Variants in ERAP1 observed in about 807,000 individuals in gnomAD.
ERAP1 encodes adipocyte-derived leucine aminopeptidase.
A neutral mutation model predicts 103.7 loss-of-function variants in ERAP1; 86 were observed. The ratio of observed to expected loss-of-function variants is 0.83; its 90% CI spans 0.70 to 0.99. The LOEUF (loss-of-function observed/expected upper bound fraction) is 0.99. ERAP1 is among the 50% of genes least tolerant of loss of function. The probability of loss-of-function intolerance (pLI) is 0.00; values close to 1 mark genes in which losing one functional copy is unlikely to be tolerated. For missense variants in ERAP1, 1,009 were observed against 1,128.4 expected (o/e 0.89, Z 1.52); for synonymous variants, 398 against 402.4 (o/e 0.99, Z 0.13).
Position 96,765,492 on chromosome 5 carries a change from G to T in ERAP1, c.2819-2264C>A, listed in dbSNP as rs571218158. Among the ~76,000 whole-genome samples, 6 of 152,272 alleles carry T rather than the reference G, an allele frequency of 3.9e-5. No homozygotes were observed. The South Asian group carries it at 1.2e-3, about 32-fold the overall frequency. On this transcript the variant is annotated intron_variant, in intron 19 of 19. Coordinates refer to the ERAP1 transcript ENST00000296754. ...CAATCTGTACTCCACTGGAGGGGAAGGTCACTGAATCTGTGACAGAGATAC... is the reference window on the plus strand; with the variant it reads ...CAATCTGTACTCCACTGGAGGGGAATGTCACTGAATCTGTGACAGAGATAC...
chr5:96,824,752 T>TA, the ERAP1 span, among the ~76,000 whole-genome samples: 2 of 152,300 alleles, frequency 1.3e-5, no homozygotes, highest in Admixed American at 6.5e-5. Flanking sequence ...TTTATTCCAT[T>TA]AAAAAAATGT....
Position 96,793,914 on chromosome 5 carries a change from G to A in ERAP1, c.963C>T (p.Asn321=), listed in dbSNP as rs147839365. The part of the protein sequence containing the change: ...IPDFQSGAME[N]WGLTTYRESA... ...ATTCTCTATATGTTGTCAGTCCCCA[G>A]TTTTCCATAGCACCAGACTGAAAGT... is the stretch of plus-strand genomic sequence containing the variant. The change falls in exon 6 of 19, where the codon AAC becomes AAT. Residue 321 remains asparagine, a synonymous_variant. Transcript: ENST00000443439. 1.9e-6 allele frequency: 3 copies of A among 1,614,020 alleles called. No homozygotes were observed. Among genetic ancestry groups the A allele is most frequent in the Non-Finnish European group, 2.5e-6 (3 of 1,179,988 alleles).
At chr5:96,850,915 C>T in the ERAP1 span, among the ~76,000 whole-genome samples, 4 of 152,142 alleles carry the variant, frequency 2.6e-5, no homozygotes, top group East Asian at 5.8e-4. Flanking sequence ...CCAAAGAAAC[C>T]TCCCTTACAC....
At chr5:96,855,653 C>A in the ERAP1 span, among the ~76,000 whole-genome samples, 1 of 152,202 alleles carries the variant, frequency 6.6e-6, no homozygotes, top group Non-Finnish European at 1.5e-5. Context: ...AACTAGCTAA[C>A]CGTCAGAGGC....
chr5:96,823,058 C>T, the ERAP1 span: 3 of 456,252 alleles, frequency 6.6e-6, no homozygotes, highest in Non-Finnish European at 1.3e-5. Context: ...TGGAGGCCGC[C>T]CTCATCTCCT....
At chr5:96,783,774 C>G in intron 14 of ERAP1, 150 bp downstream of exon 14, 1 of 814,634 alleles carries the variant, frequency 1.2e-6, no homozygotes, top group Admixed American at 2.7e-5. Flanking sequence ...CATCTAAATA[C>G]TGAACTAATA....
At chr5:96,907,195 T>A in the ERAP1 span, among the ~76,000 whole-genome samples, 1 of 152,226 alleles carries the variant, frequency 6.6e-6, no homozygotes, top group Non-Finnish European at 1.5e-5. Flanking sequence ...TTCTTTAAGC[T>A]AAACAAACAT....
At chr5:96,877,422 G>A in the ERAP1 span, among the ~76,000 whole-genome samples, 15 of 108,116 alleles carry the variant, frequency 1.4e-4, no homozygotes, top group East Asian at 4.1e-3. Context: ...ACAAGTGGGG[G>A]CGAGCTACTC....
At chr5:96,896,237 C>T in the ERAP1 span, 1 of 648,568 alleles carries the variant, frequency 1.5e-6, no homozygotes. Context: ...GGAATACATA[C>T]AAGAAAAGAA....
At chr5:96,925,832 T>C in the ERAP1 span, among the ~76,000 whole-genome samples, 1 of 152,176 alleles carries the variant, frequency 6.6e-6, no homozygotes, top group African/African-American at 2.4e-5. Flanking sequence ...ATCTGTACCT[T>C]TTTAAATAGT....
the ERAP1 span, among the ~76,000 whole-genome samples, chr5:96,882,644 T>C: frequency 6.6e-6 from 1 of 152,218 alleles, no homozygotes; most frequent in Non-Finnish European, 1.5e-5. Context: ...GTTTTTTCAA[T>C]GTAGACTTGT....
At chr5:96,807,583 AG>A (rs1778783238) in intron 1 of ERAP1, among the ~76,000 whole-genome samples, 1 of 152,206 alleles carries the variant, frequency 6.6e-6, no homozygotes, top group South Asian at 2.1e-4. Flanking sequence ...AGGGACCGGC[AG>A]GGGTGGGCCC....
the ERAP1 span, among the ~76,000 whole-genome samples, chr5:96,817,152 C>A: frequency 6.6e-6 from 1 of 152,110 alleles, no homozygotes; most frequent in Non-Finnish European, 1.5e-5. Context: ...GACGGGCAAC[C>A]AGCATAAATC....
chr5:96,902,251 A>C, the ERAP1 span: 50 of 1,522,600 alleles, frequency 3.3e-5, no homozygotes, highest in Non-Finnish European at 3.8e-5. Flanking sequence ...TTGGTCTGTA[A>C]CTATCTTTAC....
At chr5:96,779,234 C>G (rs1189207926) in intron 18 of ERAP1, 3 of 152,114 alleles carry the variant, frequency 2.0e-5, no homozygotes, top group Non-Finnish European at 4.4e-5. Flanking sequence ...CTGTTACAGC[C>G]CCATAACCTA....
the ERAP1 span, chr5:96,918,467 G>C: frequency 6.6e-6 from 1 of 152,150 alleles, no homozygotes; most frequent in Non-Finnish European, 1.5e-5. Context: ...AGGCCAGGAA[G>C]GCCTTTTGGG....
At chr5:96,837,101 G>C in the ERAP1 span, among the ~76,000 whole-genome samples, 1 of 152,078 alleles carries the variant, frequency 6.6e-6, no homozygotes, top group Non-Finnish European at 1.5e-5. Context: ...ATTTAAAAAA[G>C]AACATGTTCA....
At chr5:96,896,422 T>C in the ERAP1 span, 1 of 1,612,886 alleles carries the variant, frequency 6.2e-7, no homozygotes, top group Non-Finnish European at 8.5e-7. Context: ...AAAGATTCAT[T>C]GAATTCATCC....
the ERAP1 span, among the ~76,000 whole-genome samples, chr5:96,895,790 T>C: frequency 6.6e-6 from 1 of 152,194 alleles, no homozygotes; most frequent in Admixed American, 6.6e-5. Context: ...TGAAGGGATT[T>C]CTTCAGGTAC....
Sources: gnomAD v4.1 joint callset for allele counts (sites outside exome capture counted in the v4.1 genomes callset) on GRCh38, gnomAD v4.1.1 for gene constraint, MANE v1.5 for transcripts, NCBI Gene and HGNC (gene_info 2026-07-23, HGNC 2026-07-21) for gene names.